Variants in DNAJC7 observed in about 807,000 individuals in gnomAD.
The protein encoded by DNAJC7 is DnaJ heat shock protein family (Hsp40) member C7.
A neutral mutation model predicts 67.4 loss-of-function variants in DNAJC7; 18 were observed. The ratio of observed to expected loss-of-function variants is 0.27; its 90% CI spans 0.18 to 0.40. The LOEUF is 0.40. Among genes scored for constraint, DNAJC7 ranks in the 10% least tolerant of loss-of-function variants. DNAJC7 has a pLI of 1.00. For synonymous variants in DNAJC7, 220 were observed against 207.8 expected, an observed-to-expected ratio of 1.06 and a Z score of -0.50; for missense variants, 419 against 613.8, an observed-to-expected ratio of 0.68 and a Z score of 3.35.
intron 5 of DNAJC7, among the ~76,000 whole-genome samples, chr17:41,993,817 ACCT>A (rs2051574787): frequency 6.7e-6 from 1 of 150,000 alleles, no homozygotes. Flanking sequence ...CGGGCAGATC[ACCT>A]GAGGTCGGGA....
intron 1 of DNAJC7, among the ~76,000 whole-genome samples, chr17:42,001,721 T>A (rs2051812795): frequency 6.6e-6 from 1 of 152,168 alleles, no homozygotes; most frequent in Admixed American, 6.6e-5. Flanking sequence ...GTACAGCAAT[T>A]TACAGCTTGA....
In DNAJC7 at chr17:41,994,861, G is replaced by A; in HGVS notation, c.480+9C>T. ...GAGCAGATGAGATTATCTCATGGTT[G>A]TACTGTACCTTCCGAAAATCTCGCT... On this transcript the variant is annotated intron_variant, in intron 5 of 13. Transcript: ENST00000457167. 1.9e-6 allele frequency: 3 copies of A among 1,613,226 alleles called. No individual in the cohort carries two copies. The highest frequency in any genetic ancestry group is 2.5e-6 in the Non-Finnish European group (3 of 1,179,268).
In DNAJC7 at chr17:41,989,371, C is replaced by T. The variant is rs377382456; in HGVS notation, c.753+33G>A. On this transcript the variant is annotated intron_variant, in intron 7 of 13. Transcript: ENST00000457167. Reference sequence around the variant, plus strand: ...ATCTTAAAGGTCCCAAAAGGAAGCTCTTTCCCAGTTAGGTCTGGTGACTAG... The same window carrying T: ...ATCTTAAAGGTCCCAAAAGGAAGCTTTTTCCCAGTTAGGTCTGGTGACTAG... 662 of 1,608,774 alleles carry T rather than the reference C, an allele frequency of 4.1e-4. 4 individuals are homozygous for T. The South Asian group carries it at 5.8e-3, about 14-fold the overall frequency.
intron 9 of DNAJC7, among the ~76,000 whole-genome samples, chr17:41,986,754 T>C (rs2051393645): frequency 6.6e-6 from 1 of 152,148 alleles, no homozygotes; most frequent in South Asian, 2.1e-4. Flanking sequence ...TGGACAGACT[T>C]AGTCATCAAC....
intron 9 of DNAJC7, chr17:41,984,299 CTTTT>C (rs67739063): frequency 5.8e-5 from 7 of 120,432 alleles, no homozygotes; most frequent in South Asian, 2.9e-4. Context: ...ATTGCGAGAT[CTTTT>C]TTTTTTTTTT....
At chr17:42,005,906 A>G (rs2051938460) in intron 1 of DNAJC7, among the ~76,000 whole-genome samples, 1 of 149,600 alleles carries the variant, frequency 6.7e-6, no homozygotes, top group Admixed American at 6.7e-5. Flanking sequence ...ATGCCTGGCC[A>G]ATTTTTTTTT....
chr17:41,997,565 C>G (rs1304030716), intron 2 of DNAJC7, among the ~76,000 whole-genome samples: 1 of 152,170 alleles, frequency 6.6e-6, no homozygotes, highest in Non-Finnish European at 1.5e-5. Flanking sequence ...TCACTGCACT[C>G]CAGCCTGGGC....
At chr17:41,989,292 G>T in intron 7 of DNAJC7, 112 bp downstream of exon 7, 1 of 1,395,900 alleles carries the variant, frequency 7.2e-7, no homozygotes, top group Non-Finnish European at 9.7e-7. Flanking sequence ...TCCTTGCAAA[G>T]CAGGAGGAAA....
intron 1 of DNAJC7, chr17:42,017,024 G>A: frequency 4.6e-6 from 6 of 1,315,562 alleles, no homozygotes; most frequent in Non-Finnish European, 5.8e-6. Flanking sequence ...CATCGACGCC[G>A]CGCCGCTTCC....
At chr17:41,981,614 C>T in intron 12 of DNAJC7, 1 of 511,084 alleles carries the variant, frequency 2.0e-6, no homozygotes, top group Non-Finnish European at 3.4e-6. Context: ...ACAGGCATGA[C>T]CCATGGGGCC....
intron 5 of DNAJC7, among the ~76,000 whole-genome samples, chr17:41,991,459 A>AT (rs1231486347): frequency 1.2e-4 from 18 of 151,786 alleles, no homozygotes; most frequent in African/African-American, 2.4e-4. Context: ...CTACTCAGTG[A>AT]TTTTTTTTTA....
chr17:42,005,890 G>A (rs377245945), intron 1 of DNAJC7, among the ~76,000 whole-genome samples: 93 of 150,004 alleles, frequency 6.2e-4, no homozygotes, highest in African/African-American at 1.9e-3. Flanking sequence ...ACAGGCACAC[G>A]CCACCATGCC....
chr17:41,992,527 T>TTG (rs1555647919), intron 5 of DNAJC7: 3 of 151,824 alleles, frequency 2.0e-5, no homozygotes, highest in Non-Finnish European at 4.4e-5. Flanking sequence ...GTAGGTAGAG[T>TTG]TGTGCTAACT....
chr17:41,991,810 G>T (rs2051515923), intron 5 of DNAJC7, among the ~76,000 whole-genome samples: 1 of 152,150 alleles, frequency 6.6e-6, no homozygotes, highest in African/African-American at 2.4e-5. Context: ...CTCATGAGTA[G>T]TTGGGACTGC....
At chr17:42,011,771 T>C (rs1297176679) in intron 1 of DNAJC7, 10 of 152,114 alleles carry the variant, frequency 6.6e-5, no homozygotes, top group African/African-American at 2.4e-4. Flanking sequence ...GAAGGACACA[T>C]TCCTAAGAAT....
chr17:41,989,632 T>C, intron 6 of DNAJC7, 75 bp from the exon 7 acceptor site: 1 of 1,562,008 alleles, frequency 6.4e-7, no homozygotes, highest in South Asian at 1.2e-5. Flanking sequence ...TGTGGCCAGT[T>C]TTCCTCCTTG....
At chr17:41,987,453 T>C (rs1422232325) in intron 9 of DNAJC7, 2 of 179,548 alleles carry the variant, frequency 1.1e-5, no homozygotes, top group African/African-American at 4.7e-5. Flanking sequence ...AACAAAACAT[T>C]TATTCAGTGA....
chr17:41,986,527 C>T (rs1350980458), intron 9 of DNAJC7, among the ~76,000 whole-genome samples: 1 of 150,362 alleles, frequency 6.7e-6, no homozygotes, highest in Non-Finnish European at 1.5e-5. Flanking sequence ...ATTCTCCCCC[C>T]GCCTTTTTTT....
Position 41,990,294 on chromosome 17 carries a change from C to T in DNAJC7, c.569G>A (p.Gly190Asp). ...ILKAECLAMLGRYPEAQSVAS... is the reference protein window; with the variant it reads ...ILKAECLAMLDRYPEAQSVAS... The stretch of plus-strand genomic sequence containing the variant: ...CACAGACTGTGCTTCTGGATAACGA[C>T]CCAGCATTGCTAAACATTCTGCCTT... Residue 190 changes from glycine (G) to aspartate (D), a missense_variant, in exon 6 of 14, where the codon GGT becomes GAT. Physicochemically the swap from Gly to Asp is moderately conservative, Grantham distance 94 (BLOSUM62 -1). Coordinates refer to ENST00000457167, the MANE Select transcript of DNAJC7 (RefSeq NM_003315.4). 6.2e-7 allele frequency: 1 copy of T among 1,611,168 alleles called. No homozygotes were observed. Among genetic ancestry groups the T allele is most frequent in the Non-Finnish European group, 8.5e-7 (1 of 1,178,774 alleles).
Sources: allele counts gnomAD v4.1 joint callset (sites outside exome capture counted in the v4.1 genomes callset), GRCh38; gene constraint gnomAD v4.1.1; transcripts MANE v1.5; gene names NCBI Gene and HGNC (gene_info 2026-07-23, HGNC 2026-07-21).